Variants in POLD1 observed in about 807,000 individuals in gnomAD.
POLD1 encodes the protein DNA polymerase delta catalytic subunit.
A neutral mutation model predicts 129.7 loss-of-function variants in POLD1; 79 were observed. That is an observed-to-expected ratio of 0.61 (90% CI 0.51 to 0.73). POLD1 has a LOEUF of 0.73. Ranked by LOEUF, POLD1 falls within the 30% of genes least tolerant of loss-of-function variation. The pLI is 0.00. For missense variants in POLD1, 1,338 were observed against 1,595.8 expected, an observed-to-expected ratio of 0.84 and a Z score of 2.75; for synonymous variants, 714 against 683.3, an observed-to-expected ratio of 1.04 and a Z score of -0.70.
rs56395029 is a variant in POLD1 at position 50,413,587 on chromosome 19, G to A, written c.2250+66G>A. ...CAGGTGGGGGGATGGAAGCCGGGCC[G>A]GACCCCCATGTCCCCGTGCCTCCTG... On this transcript the variant is annotated intron_variant, in intron 18 of 26. Transcript: ENST00000440232. 1.4e-3 allele frequency: 2,138 copies of A among 1,528,564 alleles called. 10 individuals are homozygous for A. In the East Asian group the frequency reaches 0.014, roughly 10 times the overall value. The allele number at this position is 1,528,564 out of a possible 1,614,324, so 94.7% of individuals were successfully genotyped here. A position where few individuals can be genotyped will look rare whatever the true frequency, so the allele number is the denominator to read the frequency against.
chr19:50,392,452 C>T (rs1246861658), intron 1 of POLD1, among the ~76,000 whole-genome samples: 2 of 151,956 alleles, frequency 1.3e-5, no homozygotes, highest in Non-Finnish European at 2.9e-5. Context: ...AGTGTTGTCA[C>T]CCCTCACCTT....
intron 1 of POLD1, 57 bp from the exon 2 acceptor site, chr19:50,398,794 A>G (rs2038465017): frequency 6.4e-7 from 1 of 1,569,070 alleles, no homozygotes. Flanking sequence ...TGCCATGGAG[A>G]CAGGGTAAGA....
In POLD1 at chr19:50,417,220, C is replaced by T. The variant is rs747122361; in HGVS notation, c.3169C>T (p.Gln1057Ter). The stretch of plus-strand genomic sequence containing the variant: ...GGAGCGCTTCTCGCGCCTCTGGACG[C>T]AGTGCCAGCGCTGCCAGGGCAGCCT... ...LEERFSRLWT[Q>*]CQRCQGSLHE... Residue 1057 changes from glutamine to a stop codon, truncating the protein, a stop_gained, in exon 26 of 27, where the codon CAG (glutamine) becomes TAG (stop). Coordinates refer to ENST00000440232, the MANE Select transcript of POLD1 (RefSeq NM_002691.4). LOFTEE classifies it high-confidence loss of function. 1 of 1,606,290 alleles carries T rather than the reference C, an allele frequency of 6.2e-7. No individual in the cohort carries two copies. The highest frequency in any genetic ancestry group is 8.5e-7 in the Non-Finnish European group (1 of 1,178,322).
intron 1 of POLD1, among the ~76,000 whole-genome samples, chr19:50,398,633 G>A (rs969167247): frequency 2.0e-4 from 30 of 151,914 alleles, no homozygotes; most frequent in African/African-American, 7.0e-4. Context: ...GGGAGAGAGG[G>A]TCGGGGAGTC....
chr19:50,414,732 T>TCTA, intron 19 of POLD1, 83 bp from the exon 20 acceptor site: 2 of 1,179,132 alleles, frequency 1.7e-6, no homozygotes, highest in Non-Finnish European at 2.3e-6. Context: ...TGGGACCCTG[T>TCTA]CTACCTTCAG....
At chr19:50,417,589 G>A (rs530246033) in intron 26 of POLD1, among the ~76,000 whole-genome samples, 1 of 152,218 alleles carries the variant, frequency 6.6e-6, no homozygotes, top group East Asian at 1.9e-4. Context: ...ACGGGTAGGC[G>A]GGGTGGGTTC....
Position 50,402,701 on chromosome 19 carries a change from G to C in POLD1, c.930G>C (p.Leu310Phe), listed in dbSNP as rs1290315327. The C allele has an allele frequency of 1.3e-6, 2 of 1,599,826 alleles. No individual in the cohort carries two copies. Among genetic ancestry groups the C allele is most frequent in the South Asian group, 2.2e-5 (2 of 90,424 alleles). The change falls in exon 8 of 27, where the codon TTG (leucine) becomes TTC (phenylalanine). Residue 310 changes from leucine to phenylalanine, a missense_variant. Transcript: ENST00000440232. ...GGCCATGGCAGCGCATTGCGCCCTTGCGCGTGCTCAGCTTCGATATCGAGT... is the reference window on the plus strand; with the variant it reads ...GGCCATGGCAGCGCATTGCGCCCTTCCGCGTGCTCAGCTTCGATATCGAGT... ...PEGPWQRIAP[L>F]RVLSFDIECA...
In POLD1 at chr19:50,407,725, A is replaced by ATTTTTTTT. The variant is rs571759517; in HGVS notation, c.1775+326_1775+333dup. ...AGGCGCCCACCACCACGCCTGGCTA[A>ATTTTTTTT]TTTTTTTTTTTTTTTTTTTTTTTGC... On this transcript the variant is annotated intron_variant, in intron 14 of 26. Transcript: ENST00000440232. Among the ~76,000 whole-genome samples, 158 of 95,302 alleles carry ATTTTTTTT rather than the reference A, an allele frequency of 1.7e-3. 1 individual carries two copies. Among genetic ancestry groups the ATTTTTTTT allele is most frequent in the African/African-American group, 7.0e-3 (150 of 21,408 alleles). The allele number at this position is 95,302 out of a possible 152,430, so 62.5% of individuals were successfully genotyped here.
At position 50,403,504 on chromosome 19, in the gene POLD1, C is replaced by T. The variant is rs753026593; in HGVS notation, c.1149C>T (p.Thr383=). 6.2e-7 allele frequency: 1 copy of T among 1,613,316 alleles called. No homozygotes were observed. Among genetic ancestry groups the T allele is most frequent in the Non-Finnish European group, 8.5e-7 (1 of 1,179,204 alleles). The change falls in exon 10 of 27, where the codon ACC becomes ACT. Residue 383 remains threonine, a synonymous_variant. Coordinates refer to ENST00000440232, the MANE Select transcript of POLD1 (RefSeq NM_002691.4). ...KEEDLLQAWS[T]FIRIMDPDVI... ...GCTCCCACCCCCAGGCCTGGTCCAC[C>T]TTCATCCGTATCATGGACCCCGACG...
rs756287064 is a variant in POLD1, at chr19:50,417,918, T to C, written c.3295T>C (p.Phe1099Leu). Residue 1099 changes from phenylalanine (F) to leucine (L), a missense_variant, in exon 27 of 27, where the codon TTC becomes CTC. Coordinates refer to ENST00000440232, the MANE Select transcript of POLD1 (RefSeq NM_002691.4). ...LEDQEQLLRR[F>L]GPPGPEAW Reference sequence around the variant, plus strand: ...AGACCAGGAGCAGCTCCTGCGGCGCTTCGGACCCCCTGGACCTGAGGCCTG... The same window carrying C: ...AGACCAGGAGCAGCTCCTGCGGCGCCTCGGACCCCCTGGACCTGAGGCCTG... The C allele has an allele frequency of 5.6e-6, 9 of 1,610,764 alleles. No individual in the cohort carries two copies. Among genetic ancestry groups the C allele is most frequent in the Non-Finnish European group, 7.6e-6 (9 of 1,178,666 alleles).
chr19:50,414,784 G>A (rs2039212368), intron 19 of POLD1, 31 bp from the exon 20 acceptor site: 6 of 1,490,610 alleles, frequency 4.0e-6, no homozygotes, highest in Middle Eastern at 1.8e-4. Flanking sequence ...GCCTCCTCAG[G>A]CTCAGGGTCT....
At position 50,406,442 on chromosome 19, in the gene POLD1, G is replaced by A. The variant is rs763643495; in HGVS notation, c.1419G>A (p.Thr473=). The A allele has an allele frequency of 3.9e-5, 63 of 1,599,258 alleles. No individual in the cohort carries two copies. In the South Asian group the frequency reaches 5.0e-4, roughly 13 times the overall value. The change falls in exon 12 of 27, where the codon ACG becomes ACA. Residue 473 remains threonine (T), a synonymous_variant. Coordinates refer to ENST00000440232, the MANE Select transcript of POLD1 (RefSeq NM_002691.4). This position sits in a 1 kb window ranked among gnomAD's most constrained non-coding sequence, Gnocchi z 5.5. ...GGGAGTACAAGCTCCGCTCCTACAC[G>A]CTCAATGCCGTGAGCTTCCACTTCC... ...LLREYKLRSY[T]LNAVSFHFLG... is the part of the protein sequence containing the mutation.
chr19:50,387,153 TCTA>T (rs1320899775), intron 1 of POLD1, among the ~76,000 whole-genome samples: 1 of 152,006 alleles, frequency 6.6e-6, no homozygotes, highest in African/African-American at 2.4e-5. Context: ...ATGGTGAAAC[TCTA>T]CTAAAAATAC....
intron 2 of POLD1, 68 bp downstream of exon 2, chr19:50,399,121 G>A: frequency 6.5e-7 from 1 of 1,549,616 alleles, no homozygotes; most frequent in African/African-American, 1.4e-5. Context: ...TGGTCCAAGA[G>A]TCAGCTGCAA....
Position 50,408,138 on chromosome 19 carries a change from C to T in POLD1, c.1776-647C>T, listed in dbSNP as rs569372195. On this transcript the variant is annotated intron_variant, in intron 14 of 26. Coordinates refer to ENST00000440232, the MANE Select transcript of POLD1 (RefSeq NM_002691.4). The stretch of plus-strand genomic sequence containing the variant: ...GATCACAAGTTCAGGAGATTGGGAC[C>T]ATCCTGGCTAACACGGTGAAACCCC... Among the ~76,000 whole-genome samples, 39 of 151,650 alleles carry T rather than the reference C, an allele frequency of 2.6e-4. No individual in the cohort carries two copies. The South Asian group carries it at 7.9e-3, about 31-fold the overall frequency.
rs1601206581 is a variant in POLD1, at chr19:50,403,604, G to A, written c.1242+7G>A. The A allele has an allele frequency of 6.3e-7, 1 of 1,581,596 alleles. No homozygotes were observed. Among genetic ancestry groups the A allele is most frequent in the Non-Finnish European group, 8.7e-7 (1 of 1,150,210 alleles). ...TCGGGCCCAGACCCTCAAGGTGAGG[G>A]CTGGGCAGGTGGGAGGCTTCTCTCA... On this transcript the variant is annotated splice_region_variant and intron_variant, in intron 10 of 26. Transcript: ENST00000440232.
At position 50,402,084 on chromosome 19, in the gene POLD1, T is replaced by C. The variant is rs779080864; in HGVS notation, c.549T>C (p.Thr183=). 2 of 1,613,844 alleles carry C rather than the reference T, an allele frequency of 1.2e-6. No homozygotes were observed. The highest frequency in any genetic ancestry group is 2.7e-5 in the African/African-American group (2 of 74,928). The change falls in exon 5 of 27, where the codon ACT becomes ACC. Residue 183 remains threonine (T), a synonymous_variant. Transcript: ENST00000440232. ...ACAGTCGCGGGGGGAGGGAGCTGACTGGGCCGGCCGTGCTGGCTGTGGAAC... is the reference window on the plus strand; with the variant it reads ...ACAGTCGCGGGGGGAGGGAGCTGACCGGGCCGGCCGTGCTGGCTGTGGAAC... ...SRDSRGGREL[T]GPAVLAVELC... is the part of the protein sequence containing the mutation.
chr19:50,384,782 G>A (rs2037913482), intron 1 of POLD1, among the ~76,000 whole-genome samples: 1 of 152,214 alleles, frequency 6.6e-6, no homozygotes, highest in African/African-American at 2.4e-5. Flanking sequence ...GAAGACAGAC[G>A]GTAGACAAGT....
chr19:50,406,316 G>A lies in POLD1; in HGVS notation c.1377G>A (p.Met459Ile), dbSNP rs2122321952. Residue 459 changes from methionine to isoleucine, a missense_variant, in exon 11 of 27, where the codon ATG (methionine) becomes ATA (isoleucine). This residue lies in a region of POLD1 where 720 missense variants were observed against 1,002.6 expected (regional missense o/e 0.72). Transcript: ENST00000440232. The surrounding 1 kb of genome is among the most constrained non-coding windows in gnomAD (Gnocchi z 5.5). ...TGGTGGGCCGCGTGCAGATGGACAT[G>A]CTGCAGGTATGGGCGGGAGGTGGGG... The part of the protein sequence containing the change: ...VSMVGRVQMD[M>I]LQVLLREYKL... 6.2e-7 allele frequency: 1 copy of A among 1,613,934 alleles called. No homozygotes were observed. The highest frequency in any genetic ancestry group is 8.5e-7 in the Non-Finnish European group (1 of 1,179,932).
Sources: allele counts gnomAD v4.1 joint callset (sites outside exome capture counted in the v4.1 genomes callset), GRCh38; gene constraint gnomAD v4.1.1; regional missense constraint gnomAD v4.1.1; non-coding constraint Gnocchi (gnomAD v3.1); transcripts MANE v1.5; gene names NCBI Gene and HGNC (gene_info 2026-07-23, HGNC 2026-07-21).